Variants in NECAB1 observed in about 807,000 individuals in gnomAD.
NECAB1 encodes N-terminal EF-hand calcium binding protein 1.
Under a neutral mutation model 57.5 loss-of-function variants are expected in NECAB1, and 29 were observed. The observed-to-expected ratio is 0.50, with a 90% CI of 0.38 to 0.69. NECAB1 has a LOEUF of 0.69. NECAB1 is among the 30% of genes least tolerant of loss of function. The pLI, the probability that NECAB1 is intolerant of heterozygous loss-of-function variation, is 0.00. For synonymous variants in NECAB1, 142 were observed against 147.7 expected, an observed-to-expected ratio of 0.96 and a Z score of 0.28; for missense variants, 372 against 413.8, an observed-to-expected ratio of 0.90 and a Z score of 0.88.
At chr8:90,893,678 G>A (rs1349564508) in intron 5 of NECAB1, among the ~76,000 whole-genome samples, 1 of 152,170 alleles carries the variant, frequency 6.6e-6, no homozygotes, top group Non-Finnish European at 1.5e-5. Flanking sequence ...CTCATGGGGT[G>A]AAAACTGTCT....
intron 3 of NECAB1, among the ~76,000 whole-genome samples, chr8:90,844,747 T>C (rs1254647143): frequency 6.6e-6 from 1 of 151,922 alleles, no homozygotes; most frequent in African/African-American, 2.4e-5. Context: ...TTTATCCAGT[T>C]GGGAGATGAA....
chr8:90,925,432 G>T, intron 6 of NECAB1, 103 bp from the exon 7 acceptor site: 1 of 1,299,880 alleles, frequency 7.7e-7, no homozygotes, highest in Non-Finnish European at 1.1e-6. Context: ...TTTTCATTTT[G>T]CTGCACTAGA....
intron 2 of NECAB1, among the ~76,000 whole-genome samples, chr8:90,811,341 G>C (rs1811957441): frequency 6.6e-6 from 1 of 152,056 alleles, no homozygotes; most frequent in Admixed American, 6.6e-5. Context: ...ATTTCAATGC[G>C]TTCACAATGC....
chr8:90,895,992 A>G (rs1809319627), intron 5 of NECAB1, among the ~76,000 whole-genome samples: 1 of 152,226 alleles, frequency 6.6e-6, no homozygotes, highest in African/African-American at 2.4e-5. Flanking sequence ...AGTTTTGTGC[A>G]AAGTCTGTAT....
intron 2 of NECAB1, among the ~76,000 whole-genome samples, chr8:90,820,124 T>C (rs1282947315): frequency 6.6e-6 from 1 of 151,924 alleles, no homozygotes; most frequent in Non-Finnish European, 1.5e-5. Context: ...CTGTTCCAAA[T>C]AAGCAGGTCT....
intron 5 of NECAB1, among the ~76,000 whole-genome samples, chr8:90,890,284 GT>G (rs1809128575): frequency 6.6e-6 from 1 of 152,138 alleles, no homozygotes; most frequent in South Asian, 2.1e-4. Context: ...AGATCTGATG[GT>G]TTTATAAGCA....
At chr8:90,951,243 G>A (rs940465732) in intron 12 of NECAB1, 39 bp downstream of exon 12, 1 of 1,242,460 alleles carries the variant, frequency 8.0e-7, no homozygotes, top group East Asian at 2.6e-5. Flanking sequence ...GTGTCCTTTT[G>A]TATTTTTGTT....
At chr8:90,924,768 G>A (rs140428927) in intron 6 of NECAB1, among the ~76,000 whole-genome samples, 15 of 152,226 alleles carry the variant, frequency 9.9e-5, no homozygotes, top group African/African-American at 3.6e-4. Context: ...CTTTTAAGCA[G>A]CCTTCCTGGA....
chr8:90,862,254 G>A (rs147843772), intron 3 of NECAB1, among the ~76,000 whole-genome samples: 34 of 152,182 alleles, frequency 2.2e-4, no homozygotes, highest in East Asian at 2.1e-3. Context: ...GCATAAATTC[G>A]TTAGGAAATA....
At chr8:90,906,983 T>A (rs1448278284) in intron 5 of NECAB1, among the ~76,000 whole-genome samples, 2 of 148,928 alleles carry the variant, frequency 1.3e-5, no homozygotes, top group Non-Finnish European at 3.0e-5. Flanking sequence ...CCTCCTGGAC[T>A]CAAGCGATCA....
chr8:90,947,281 T>A (rs1457066551), intron 10 of NECAB1, among the ~76,000 whole-genome samples: 2 of 102,868 alleles, frequency 1.9e-5, no homozygotes, highest in Admixed American at 2.2e-4. Flanking sequence ...ACTTTCCTTT[T>A]AGCTATTGGG....
At position 90,954,850 on chromosome 8, in the gene NECAB1, T is replaced by C. The variant is rs141530017; in HGVS notation, c.1031-637T>C. Among the ~76,000 whole-genome samples the C allele has an allele frequency of 1.7e-3, 255 of 148,342 alleles. 1 individual carries two copies. Among genetic ancestry groups the C allele is most frequent in the African/African-American group, 6.1e-3 (248 of 40,772 alleles). On this transcript the variant is annotated intron_variant, in intron 12 of 12. Coordinates refer to ENST00000417640, the MANE Select transcript of NECAB1 (RefSeq NM_022351.5). The stretch of plus-strand genomic sequence containing the variant: ...ATTATACATAAGCTGCATATATTTA[T>C]AAATATATGTATACATATGCATATA...
chr8:90,898,833 C>T (rs1037795979), intron 5 of NECAB1, among the ~76,000 whole-genome samples: 1 of 152,220 alleles, frequency 6.6e-6, no homozygotes, highest in African/African-American at 2.4e-5. Context: ...TCAGCTCTCT[C>T]TTCACCTTCC....
intron 3 of NECAB1, 34 bp from the exon 4 acceptor site, chr8:90,872,094 A>G (rs1293043990): frequency 6.6e-7 from 1 of 1,514,288 alleles, no homozygotes; most frequent in Non-Finnish European, 8.9e-7. Context: ...TTACCAAAGT[A>G]ATAACACTGT....
intron 11 of NECAB1, 60 bp from the exon 12 acceptor site, chr8:90,951,053 C>A: frequency 1.9e-6 from 2 of 1,030,804 alleles, no homozygotes; most frequent in South Asian, 1.6e-5. Context: ...TTGATCTCTG[C>A]TGTACTTGGG....
At chr8:90,942,576 T>A (rs1471790564) in intron 10 of NECAB1, among the ~76,000 whole-genome samples, 1 of 152,228 alleles carries the variant, frequency 6.6e-6, no homozygotes, top group Non-Finnish European at 1.5e-5. Context: ...CCCACTCATT[T>A]GAAAATAAAA....
intron 4 of NECAB1, among the ~76,000 whole-genome samples, chr8:90,874,268 T>C (rs924245440): frequency 1.3e-5 from 2 of 152,206 alleles, no homozygotes; most frequent in African/African-American, 4.8e-5. Flanking sequence ...CATATGTTCT[T>C]TCCTAGAAGC....
chr8:90,819,537 G>A (rs933199079), intron 2 of NECAB1, among the ~76,000 whole-genome samples: 8 of 151,982 alleles, frequency 5.3e-5, no homozygotes, highest in African/African-American at 1.9e-4. Context: ...TTTTTCTGTT[G>A]ACTCTGAGTT....
chr8:90,901,026 A>G (rs1274269061), intron 5 of NECAB1, among the ~76,000 whole-genome samples: 2 of 152,182 alleles, frequency 1.3e-5, no homozygotes, highest in Non-Finnish European at 2.9e-5. Flanking sequence ...CTAAAAATTT[A>G]CCCTTCAACA....
Sources: allele counts gnomAD v4.1 joint callset (sites outside exome capture counted in the v4.1 genomes callset), GRCh38; gene constraint gnomAD v4.1.1; transcripts MANE v1.5; gene names NCBI Gene and HGNC (gene_info 2026-07-23, HGNC 2026-07-21).